LIG1: variants seen among roughly 807,000 people sequenced by gnomAD.
LIG1 encodes ligase I, DNA, ATP-dependent.
A neutral mutation model predicts 115.7 loss-of-function variants in LIG1; 70 were observed. The observed-to-expected ratio is 0.60, with a 90% confidence interval of 0.50 to 0.74. The LOEUF is 0.74. LIG1 is among the 30% of genes least tolerant of loss of function. The pLI, the probability that LIG1 is intolerant of heterozygous loss-of-function variation, is 0.00. For synonymous variants in LIG1, 487 were observed against 495.3 expected (o/e 0.98, Z 0.22); for missense variants, 1,115 against 1,225.6 (o/e 0.91, Z 1.35).
At chr19:48,131,317 C>T in intron 18 of LIG1, 146 bp from the exon 19 acceptor site, 1 of 661,640 alleles carries the variant, frequency 1.5e-6, no homozygotes, top group Non-Finnish European at 2.8e-6. Flanking sequence ...ATCATCTCCT[C>T]AGTTCCAACA....
At chr19:48,123,039 G>C (rs759608342) in intron 22 of LIG1, 23 bp from the exon 23 acceptor site, 17 of 1,613,256 alleles carry the variant, frequency 1.1e-5, no homozygotes, top group Non-Finnish European at 1.4e-5. Context: ...CAGAAGCGTG[G>C]TCCTTGGGAA....
Position 48,137,870 on chromosome 19 carries a change from G to A in LIG1, c.1088-182C>T, listed in dbSNP as rs1023453175. 26 of 709,838 alleles carry A rather than the reference G, an allele frequency of 3.7e-5. No individual in the cohort carries two copies. The highest frequency in any genetic ancestry group is 9.4e-5 in the Admixed American group (4 of 42,614). 44.0% of individuals were successfully genotyped at this position (709,838 alleles called of 1,614,324 possible). On this transcript the variant is annotated intron_variant, in intron 12 of 27. Coordinates refer to ENST00000263274, the MANE Select transcript of LIG1 (RefSeq NM_000234.3). The surrounding 1 kb of genome is among the most constrained non-coding windows in gnomAD (Gnocchi z 4.3). Reference sequence around the variant, plus strand: ...GCTTGGGGAACGTGCCCCCAGCCACGCTGGCTGTAGGAAGTCAGCAAACAT... The same window carrying A: ...GCTTGGGGAACGTGCCCCCAGCCACACTGGCTGTAGGAAGTCAGCAAACAT...
At chr19:48,119,302 A>G (rs2033097384) in intron 24 of LIG1, 112 bp from the exon 25 acceptor site, 6 of 852,152 alleles carry the variant, frequency 7.0e-6, no homozygotes, top group South Asian at 1.4e-5. Context: ...TGGTCTACGC[A>G]GTATCCACAG....
At chr19:48,168,346 A>G (rs12611384) in intron 1 of LIG1, among the ~76,000 whole-genome samples, 47,414 of 152,014 alleles carry the variant, frequency 0.31, 8,347 homozygotes, top group East Asian at 0.55. Flanking sequence ...GGACAGAGGA[A>G]CATAGCTGGG....
chr19:48,149,127 C>T (rs568546332), intron 9 of LIG1, among the ~76,000 whole-genome samples: 44 of 152,212 alleles, frequency 2.9e-4, no homozygotes, highest in African/African-American at 1.0e-3. Flanking sequence ...CTGACCAATA[C>T]GGTGAAACTG....
In LIG1 at chr19:48,115,671, G is replaced by C. The variant is rs1399351101; in HGVS notation, c.2738C>G (p.Ser913Cys). 13 of 1,613,950 alleles carry C rather than the reference G, an allele frequency of 8.1e-6. 1 individual carries two copies. In the Admixed American group the frequency reaches 2.2e-4, roughly 27 times the overall value. Residue 913 changes from serine (S) to cysteine (C), a missense_variant, in exon 28 of 28, where the codon TCT becomes TGT. By Grantham distance (112) the Ser-to-Cys change is moderately radical (BLOSUM62 -1). Transcript: ENST00000263274. ...IQNQQGEDSG[S>C]DPEDTY The stretch of plus-strand genomic sequence containing the variant: ...GGCTTAGTAGGTATCTTCAGGGTCA[G>C]AGCCTGAGTCCTCGCCTTGTTGGTT...
intron 2 of LIG1, among the ~76,000 whole-genome samples, chr19:48,165,206 C>A (rs1426126028): frequency 6.6e-6 from 1 of 152,082 alleles, no homozygotes; most frequent in African/African-American, 2.4e-5. Context: ...TTGCAGTGAG[C>A]CGAGATTGCG....
intron 17 of LIG1, 42 bp from the exon 18 acceptor site, chr19:48,133,139 T>C (rs1295557563): frequency 7.9e-7 from 1 of 1,265,002 alleles, no homozygotes; most frequent in Non-Finnish European, 1.2e-6. Context: ...GGGAAGGCAA[T>C]GGATTAGAGG....
chr19:48,155,424 C>T (rs1397906741), intron 5 of LIG1, among the ~76,000 whole-genome samples: 3 of 152,164 alleles, frequency 2.0e-5, no homozygotes, highest in Non-Finnish European at 4.4e-5. Flanking sequence ...GGCCTCTGCA[C>T]GTGCCCTTCT....
intron 24 of LIG1, chr19:48,120,909 C>T: frequency 1.5e-6 from 2 of 1,298,080 alleles, no homozygotes; most frequent in Admixed American, 3.8e-5. Flanking sequence ...AAATTCTTTT[C>T]TTATGTGAGC....
intron 19 of LIG1, among the ~76,000 whole-genome samples, chr19:48,128,312 G>A (rs274886): frequency 0.029 from 4,343 of 152,084 alleles, 201 homozygotes; most frequent in African/African-American, 0.099. Flanking sequence ...TTCCTAAGCC[G>A]TCCACTTCCC....
At position 48,123,184 on chromosome 19, in the gene LIG1, C is replaced by G; in HGVS notation, c.2139G>C (p.Gln713His). ...DIEQIAEFLE[Q>H]SVKDSCEGLM... ...AGTGAGCACCCTCACCTTTCACTGACTGCTCCAGGAACTCGGCGATCTGCT... is the reference window on the plus strand; with the variant it reads ...AGTGAGCACCCTCACCTTTCACTGAGTGCTCCAGGAACTCGGCGATCTGCT... The change falls in exon 22 of 28, where the codon CAG becomes CAC. Residue 713 changes from glutamine to histidine, a missense_variant. Physicochemically the swap from Gln to His is conservative, Grantham distance 24. Transcript: ENST00000263274. The G allele has an allele frequency of 2.5e-6, 4 of 1,614,142 alleles. No individual in the cohort carries two copies. The highest frequency in any genetic ancestry group is 3.4e-6 in the Non-Finnish European group (4 of 1,180,030).
intron 11 of LIG1, among the ~76,000 whole-genome samples, chr19:48,142,604 T>C (rs1429573585): frequency 4.0e-5 from 6 of 151,786 alleles, no homozygotes; most frequent in Non-Finnish European, 8.8e-5. Context: ...GAAACGGGTT[T>C]GATAGTGAAG....
intron 11 of LIG1, 112 bp from the exon 12 acceptor site, chr19:48,140,255 G>T: frequency 1.3e-6 from 1 of 741,410 alleles, no homozygotes; most frequent in Non-Finnish European, 2.3e-6. Context: ...GAAAGAAGAG[G>T]AAAGGGCTCA....
intron 3 of LIG1, 85 bp downstream of exon 3, chr19:48,162,177 T>C: frequency 3.0e-6 from 4 of 1,322,506 alleles, no homozygotes; most frequent in Non-Finnish European, 4.4e-6. Flanking sequence ...CCCAAGACAT[T>C]TTGCATTAGG....
At chr19:48,162,156 G>C in intron 3 of LIG1, 106 bp downstream of exon 3, 1 of 1,124,994 alleles carries the variant, frequency 8.9e-7, no homozygotes, top group Non-Finnish European at 1.3e-6. Flanking sequence ...GGCTGAAAAA[G>C]TTTTTTGGGC....
At chr19:48,117,807 A>G in intron 25 of LIG1, 26 bp from the exon 26 acceptor site, 1 of 1,610,122 alleles carries the variant, frequency 6.2e-7, no homozygotes, top group Non-Finnish European at 8.5e-7. Flanking sequence ...GAAGAGAGGA[A>G]CAGAGGGTCT....
In LIG1 at chr19:48,149,744, G is replaced by C; in HGVS notation, c.776+19C>G. 6.2e-7 allele frequency: 1 copy of C among 1,604,426 alleles called. No individual in the cohort carries two copies. The highest frequency in any genetic ancestry group is 8.5e-7 in the Non-Finnish European group (1 of 1,171,178). On this transcript the variant is annotated intron_variant, in intron 9 of 27. Transcript: ENST00000263274. ...GAACACATCCCGAAGAACCTTTCCAGACCTGGACACTGACTCACCCCTCAG... is the reference window on the plus strand; with the variant it reads ...GAACACATCCCGAAGAACCTTTCCACACCTGGACACTGACTCACCCCTCAG...
In LIG1 at chr19:48,137,449, C is replaced by T. The variant is rs2034462498; in HGVS notation, c.1254+73G>A. 6.3e-7 allele frequency: 1 copy of T among 1,576,884 alleles called. No homozygotes were observed. The highest frequency in any genetic ancestry group is 2.3e-5 in the East Asian group (1 of 44,090). On this transcript the variant is annotated intron_variant, in intron 13 of 27. Coordinates refer to ENST00000263274, the MANE Select transcript of LIG1 (RefSeq NM_000234.3). The surrounding 1 kb of genome is among the most constrained non-coding windows in gnomAD (Gnocchi z 4.3). ...ACCCAGCTGATGGTCTACCCAGAAG[C>T]CTTCCTGACACACGCGTGGCCTCAG...
Sources: gnomAD v4.1 joint callset for allele counts (sites outside exome capture counted in the v4.1 genomes callset) on GRCh38, gnomAD v4.1.1 for gene constraint, Gnocchi (gnomAD v3.1) non-coding constraint, MANE v1.5 for transcripts, NCBI Gene and HGNC (gene_info 2026-07-23, HGNC 2026-07-21) for gene names.